The following SPATA13 variants were observed in gnomAD, a reference collection of about 807,000 sequenced individuals.
SPATA13 encodes the protein spermatogenesis associated 13, also known as spermatogenesis-associated protein 13.
In SPATA13, 50 loss-of-function variants were observed where a neutral mutation model predicts 104.0. The observed-to-expected ratio is 0.48, with a 90% CI of 0.38 to 0.61. The LOEUF (loss-of-function observed/expected upper bound fraction) is 0.61, where lower values mean the gene tolerates loss of function less well. Ranked by LOEUF, SPATA13 falls within the 20% of genes least tolerant of loss-of-function variation. The pLI, the probability that SPATA13 is intolerant of heterozygous loss-of-function variation, is 0.00. For synonymous variants in SPATA13, 606 were observed against 667.5 expected, an observed-to-expected ratio of 0.91 and a Z score of 1.42; for missense variants, 1,524 against 1,690.6, an observed-to-expected ratio of 0.90 and a Z score of 1.73.
At chr13:24,087,436 A>G (rs925728179) in intron 3 of SPATA13, among the ~76,000 whole-genome samples, 3 of 152,220 alleles carry the variant, frequency 2.0e-5, no homozygotes, top group Non-Finnish European at 4.4e-5. Context: ...ACACCGGGAG[A>G]AAGTAGATTG....
intron 3 of SPATA13, among the ~76,000 whole-genome samples, chr13:24,115,325 G>A (rs1025167241): frequency 2.6e-5 from 4 of 152,100 alleles, no homozygotes; most frequent in Non-Finnish European, 2.9e-5. Context: ...CTTACAACAG[G>A]GTCCCCAGCC....
At position 24,303,258 on chromosome 13, in the gene SPATA13, G is replaced by A. The variant is rs1309662592; in HGVS notation, c.*485G>A. 1 of 425,590 alleles carries A rather than the reference G, an allele frequency of 2.3e-6. No homozygotes were observed. Among genetic ancestry groups the A allele is most frequent in the East Asian group, 7.6e-5 (1 of 13,098 alleles). 26.4% of individuals were successfully genotyped at this position (425,590 alleles called of 1,614,324 possible). A position where few individuals can be genotyped will look rare whatever the true frequency, so the allele number is the denominator to read the frequency against. On this transcript the variant is annotated 3_prime_UTR_variant, in exon 13 of 13. Coordinates refer to ENST00000382108, the MANE Select transcript of SPATA13 (RefSeq NM_001166271.3). ...GTGTCTGGTCACACTTAGAAATTGAGCTCTTACTCTCTTCTGTAATACTGG... is the reference window on the plus strand; with the variant it reads ...GTGTCTGGTCACACTTAGAAATTGAACTCTTACTCTCTTCTGTAATACTGG...
rs1877473508 is a variant in SPATA13, at chr13:24,304,855, G to A, written c.*2082G>A. ...CTGTGGCATGTGTGGGGGTGTGTGTGTGTATGTTTCCTTCTTGAACAGACA... is the reference window on the plus strand; with the variant it reads ...CTGTGGCATGTGTGGGGGTGTGTGTATGTATGTTTCCTTCTTGAACAGACA... On this transcript the variant is annotated 3_prime_UTR_variant, in exon 13 of 13. Coordinates refer to ENST00000382108, the MANE Select transcript of SPATA13 (RefSeq NM_001166271.3). 1 of 152,208 alleles carries A rather than the reference G, an allele frequency of 6.6e-6. No individual in the cohort carries two copies. 9.4% of individuals were successfully genotyped at this position (152,208 alleles called of 1,614,324 possible).
intron 2 of SPATA13, among the ~76,000 whole-genome samples, chr13:23,985,768 G>A (rs1875121705): frequency 6.6e-6 from 1 of 152,174 alleles, no homozygotes. Flanking sequence ...GGATACACAG[G>A]CAACATAAGA....
chr13:24,089,308 C>T (rs994478468), intron 3 of SPATA13, among the ~76,000 whole-genome samples: 2 of 152,050 alleles, frequency 1.3e-5, no homozygotes, highest in East Asian at 3.9e-4. Flanking sequence ...TTGCATGGGA[C>T]CCCCCCACAC....
intron 1 of SPATA13, among the ~76,000 whole-genome samples, chr13:24,167,518 A>G (rs1006514937): frequency 6.6e-6 from 1 of 152,234 alleles, no homozygotes; most frequent in African/African-American, 2.4e-5. Flanking sequence ...TCACCTCTCA[A>G]CAGTACAAGC....
chr13:24,026,378 G>A (rs1877216528), intron 3 of SPATA13, among the ~76,000 whole-genome samples: 1 of 152,046 alleles, frequency 6.6e-6, no homozygotes, highest in Admixed American at 6.6e-5. Flanking sequence ...TGGGGAGGGA[G>A]GTGTGAAGCA....
intron 1 of SPATA13, among the ~76,000 whole-genome samples, chr13:24,215,049 C>T (rs2138595636): frequency 6.6e-6 from 1 of 152,302 alleles, no homozygotes; most frequent in South Asian, 2.1e-4. Flanking sequence ...TGTTCGAGCA[C>T]AGCGTCTCCC....
intron 2 of SPATA13, among the ~76,000 whole-genome samples, chr13:24,007,438 A>G (rs752647182): frequency 2.6e-5 from 4 of 152,098 alleles, no homozygotes; most frequent in African/African-American, 9.7e-5. Flanking sequence ...GGTGATGTTT[A>G]AGTTGCAAGG....
chr13:24,065,172 A>T (rs1198950917), intron 3 of SPATA13, among the ~76,000 whole-genome samples: 1 of 152,196 alleles, frequency 6.6e-6, no homozygotes, highest in Non-Finnish European at 1.5e-5. Flanking sequence ...TGCACATGGA[A>T]CATAAAATAT....
chr13:24,200,438 A>T (rs1566147059), intron 1 of SPATA13, among the ~76,000 whole-genome samples: 1 of 152,118 alleles, frequency 6.6e-6, no homozygotes, highest in African/African-American at 2.4e-5. Context: ...AGTAAACACC[A>T]TGTATGCACT....
Position 24,211,238 on chromosome 13 carries a change from CCTTT to C in SPATA13, c.-111-11570_-111-11567del, listed in dbSNP as rs1404210520. On this transcript the variant is annotated intron_variant, in intron 1 of 12. Coordinates refer to ENST00000382108, the MANE Select transcript of SPATA13 (RefSeq NM_001166271.3). ...AACTTCTTCCTTTCTGATTCGGTTG[CCTTT>C]CTTTCTTTCTCTTGCCCATTTGCTC... Among the ~76,000 whole-genome samples, 3 of 152,106 alleles carry C rather than the reference CCTTT, an allele frequency of 2.0e-5. No homozygotes were observed. The East Asian group carries it at 5.8e-4, about 29-fold the overall frequency.
rs531545815 is a variant in SPATA13, at chr13:24,241,755, A to C, written c.1654-7722A>C. ...AAAGCAAAAGGCAGCTTTAGACAGA[A>C]AGATTATTCCACCAGGCCAGGCATG... On this transcript the variant is annotated intron_variant, in intron 2 of 12. Coordinates refer to ENST00000382108, the MANE Select transcript of SPATA13 (RefSeq NM_001166271.3). Among the ~76,000 whole-genome samples the C allele has an allele frequency of 6.6e-5, 10 of 152,334 alleles. No individual in the cohort carries two copies. The South Asian group carries it at 2.1e-3, about 32-fold the overall frequency.
intron 3 of SPATA13, among the ~76,000 whole-genome samples, chr13:24,140,277 A>G (rs60268646): frequency 0.012 from 1,828 of 152,298 alleles, 32 homozygotes; most frequent in African/African-American, 0.042. Context: ...TGTGAACACC[A>G]CGGTGGGTTC....
At chr13:24,109,365 G>A (rs1163501211) in intron 3 of SPATA13, among the ~76,000 whole-genome samples, 2 of 152,136 alleles carry the variant, frequency 1.3e-5, no homozygotes, top group Non-Finnish European at 2.9e-5. Flanking sequence ...TCATTGATGG[G>A]CATTTGGGTT....
At chr13:24,284,404 A>C (rs1489377470) in intron 5 of SPATA13, 133 bp downstream of exon 5, 13 of 1,016,046 alleles carry the variant, frequency 1.3e-5, no homozygotes, top group Non-Finnish European at 1.8e-5. Context: ...TTAAAACAAC[A>C]CTGTGATTCA....
At chr13:24,186,947 G>A (rs1869188160) in intron 1 of SPATA13, among the ~76,000 whole-genome samples, 1 of 152,160 alleles carries the variant, frequency 6.6e-6, no homozygotes, top group Admixed American at 6.5e-5. Context: ...GTTAAAAAGA[G>A]CCTCATTATG....
chr13:24,059,654 T>TTATTTTTATA (rs1878708030), intron 3 of SPATA13, among the ~76,000 whole-genome samples: 1 of 152,248 alleles, frequency 6.6e-6, no homozygotes, highest in African/African-American at 2.4e-5. Flanking sequence ...TATAAGTGTG[T>TTATTTTTATA]CCATTTTATA....
At chr13:24,070,249 G>T (rs1370855811) in intron 3 of SPATA13, among the ~76,000 whole-genome samples, 7 of 152,188 alleles carry the variant, frequency 4.6e-5, no homozygotes, top group African/African-American at 1.7e-4. Context: ...AACATGATGG[G>T]TCTGCTTGGG....
Sources: gnomAD v4.1 joint callset for allele counts (sites outside exome capture counted in the v4.1 genomes callset) on GRCh38, gnomAD v4.1.1 for gene constraint, MANE v1.5 for transcripts, NCBI Gene and HGNC (gene_info 2026-07-23, HGNC 2026-07-21) for gene names.